The following ZNF865 variants were observed in gnomAD, a reference collection of about 807,000 sequenced individuals.
ZNF865 encodes zinc finger protein 865.
For missense variants in ZNF865, 1,311 were observed against 1,593.4 expected, an observed-to-expected ratio of 0.82 and a Z score of 3.02; for synonymous variants, 763 against 750.8, an observed-to-expected ratio of 1.02 and a Z score of -0.27.
At position 55,614,754 on chromosome 19, in the gene ZNF865, C is replaced by T; in HGVS notation, c.1136C>T (p.Ser379Phe). 2 of 1,582,838 alleles carry T rather than the reference C, an allele frequency of 1.3e-6. No individual in the cohort carries two copies. Among genetic ancestry groups the T allele is most frequent in the Non-Finnish European group, 1.7e-6 (2 of 1,172,648 alleles). Residue 379 changes from serine to phenylalanine, a missense_variant, in exon 2 of 2, where the codon TCC becomes TTC. By Grantham distance (155) the Ser-to-Phe change is radical (BLOSUM62 -2). Transcript: ENST00000568956. This position sits in a 1 kb window ranked among gnomAD's most constrained non-coding sequence, Gnocchi z 8.0. ...QIIHTGEKPF[S>F]CSVCSKSFNR... The stretch of plus-strand genomic sequence containing the variant: ...ATCCACACGGGCGAGAAGCCCTTCT[C>T]CTGCTCCGTGTGCAGCAAAAGCTTC...
At chr19:55,606,198 ACAG>A (rs1231090279) in intron 1 of ZNF865, among the ~76,000 whole-genome samples, 1 of 151,806 alleles carries the variant, frequency 6.6e-6, no homozygotes, top group Non-Finnish European at 1.5e-5. Flanking sequence ...CTCTGTCCAT[ACAG>A]CAACAGCCCC....
chr19:55,613,157 G>A (rs1485105274), intron 1 of ZNF865: 1 of 159,820 alleles, frequency 6.3e-6, no homozygotes, highest in Non-Finnish European at 1.4e-5. Context: ...CCAGCACTTT[G>A]GGAGGTGGAG....
At position 55,616,652 on chromosome 19, in the gene ZNF865, C is replaced by T; in HGVS notation, c.3034C>T (p.Gln1012Ter). The change falls in exon 2 of 2, where the codon CAG becomes TAG. Residue 1012 changes from glutamine to a stop codon, truncating the protein, a stop_gained. Coordinates refer to ENST00000568956, the MANE Select transcript of ZNF865 (RefSeq NM_001195605.2). LOFTEE classifies it low-confidence loss of function (END_TRUNC). ...CTTCCGTAAGCACCTGGCTGCCCAC[C>T]AGGGCGGCCGGCCCTTCCGCTGCTC... is the stretch of plus-strand genomic sequence containing the variant. ...GYFRKHLAAH[Q>*]GGRPFRCSSC... 1 of 1,529,098 alleles carries T rather than the reference C, an allele frequency of 6.5e-7. No individual in the cohort carries two copies. The highest frequency in any genetic ancestry group is 2.5e-5 in the East Asian group (1 of 40,640). The allele number at this position is 1,529,098 out of a possible 1,614,324, so 94.7% of individuals were successfully genotyped here. A position where few individuals can be genotyped will look rare whatever the true frequency, so the allele number is the denominator to read the frequency against.
At chr19:55,606,687 G>C (rs1382493414) in intron 1 of ZNF865, among the ~76,000 whole-genome samples, 1 of 152,252 alleles carries the variant, frequency 6.6e-6, no homozygotes, top group Non-Finnish European at 1.5e-5. Flanking sequence ...CTTCACTAGG[G>C]TGTGACTTCT....
rs1171878938 is a variant in ZNF865, at chr19:55,614,238, A to G, written c.620A>G (p.Lys207Arg). 3.3e-6 allele frequency: 5 copies of G among 1,511,688 alleles called. No homozygotes were observed. The highest frequency in any genetic ancestry group is 1.4e-5 in the African/African-American group (1 of 69,950). The allele number at this position is 1,511,688 out of a possible 1,614,324, so 93.6% of individuals were successfully genotyped here. Residue 207 changes from lysine (K) to arginine (R), a missense_variant, in exon 2 of 2, where the codon AAG (lysine) becomes AGG (arginine). Physicochemically the swap from Lys to Arg is conservative, Grantham distance 26. Transcript: ENST00000568956. The surrounding 1 kb of genome is among the most constrained non-coding windows in gnomAD (Gnocchi z 8.0). ...PPAAAACDPT[K>R]DDKGYFRRLK... ...GCGGCGGCGGCCTGCGACCCCACCAAGGACGACAAGGGCTACTTCCGGAGA... is the reference window on the plus strand; with the variant it reads ...GCGGCGGCGGCCTGCGACCCCACCAGGGACGACAAGGGCTACTTCCGGAGA...
In ZNF865 at chr19:55,611,639, C is replaced by T. The variant is rs1037209252; in HGVS notation, c.-26-1954C>T. 2.6e-5 allele frequency among the ~76,000 whole-genome samples: 4 copies of T among 152,132 alleles called. No individual in the cohort carries two copies. The highest frequency in any genetic ancestry group is 7.2e-5 in the African/African-American group (3 of 41,416). ...GGGGTGGGGGTGGAAGAGACACTCA[C>T]CCCTCACCTGTGGGAGGAGAGAGCA... On this transcript the variant is annotated intron_variant, in intron 1 of 1. Transcript: ENST00000568956. The surrounding 1 kb of genome is among the most constrained non-coding windows in gnomAD (Gnocchi z 4.5).
At chr19:55,609,689 C>T (rs966087075) in intron 1 of ZNF865, among the ~76,000 whole-genome samples, 15 of 152,172 alleles carry the variant, frequency 9.9e-5, no homozygotes, top group Non-Finnish European at 1.6e-4. Flanking sequence ...AGTCATGGTA[C>T]AGGACTGTGC....
rs1009037830 is a variant in ZNF865, at chr19:55,615,800, C to T, written c.2182C>T (p.Pro728Ser). Residue 728 changes from proline to serine, a missense_variant, in exon 2 of 2, where the codon CCG becomes TCG. Physicochemically the swap from Pro to Ser is moderately conservative, Grantham distance 74. Coordinates refer to ENST00000568956, the MANE Select transcript of ZNF865 (RefSeq NM_001195605.2). ...VHQAAPERLL[P>S]PAPGGLQPPD... is the part of the protein sequence containing the mutation. ...CCAGGCCGCCCCCGAGCGCCTGCTC[C>T]CGCCCGCACCCGGCGGCCTGCAGCC... 3 of 1,512,208 alleles carry T rather than the reference C, an allele frequency of 2.0e-6. No homozygotes were observed. The highest frequency in any genetic ancestry group is 1.8e-6 in the Non-Finnish European group (2 of 1,136,278). 93.7% of individuals were successfully genotyped at this position (1,512,208 alleles called of 1,614,324 possible).
chr19:55,613,716 T>C lies in ZNF865; in HGVS notation c.98T>C (p.Phe33Ser). Residue 33 changes from phenylalanine to serine, a missense_variant, in exon 2 of 2, where the codon TTC becomes TCC. By Grantham distance (155) the Phe-to-Ser change is radical. Transcript: ENST00000568956. ...CACTTCCAGAGCTACCCCTTCGACT[T>C]CCTGGAATTCCTCAACCACCAGCGC... Reference protein sequence around the residue: ...GVHFQSYPFDFLEFLNHQRFE... With the variant: ...GVHFQSYPFDSLEFLNHQRFE... 1 of 1,534,478 alleles carries C rather than the reference T, an allele frequency of 6.5e-7. No individual in the cohort carries two copies. The highest frequency in any genetic ancestry group is 1.4e-5 in the African/African-American group (1 of 72,978).
chr19:55,616,747 C>T lies in ZNF865; in HGVS notation c.3129C>T (p.Asn1043=). 6.8e-7 allele frequency: 1 copy of T among 1,478,250 alleles called. No homozygotes were observed. Among genetic ancestry groups the T allele is most frequent in the Non-Finnish European group, 8.9e-7 (1 of 1,118,782 alleles). 91.6% of individuals were successfully genotyped at this position (1,478,250 alleles called of 1,614,324 possible). ...KKHRLAHKAE[N]LGGPGAGAGT... ...ACCGCCTGGCGCACAAGGCCGAGAA[C>T]CTCGGGGGGCCTGGAGCAGGGGCGG... Residue 1043 remains asparagine, a synonymous_variant, in exon 2 of 2, where the codon AAC becomes AAT. Coordinates refer to ENST00000568956, the MANE Select transcript of ZNF865 (RefSeq NM_001195605.2).
rs765794743 is a variant in ZNF865 at position 55,614,130 on chromosome 19, C to T, written c.512C>T (p.Pro171Leu). The T allele has an allele frequency of 4.9e-6, 7 of 1,433,924 alleles. No individual in the cohort carries two copies. The highest frequency in any genetic ancestry group is 3.0e-5 in the Admixed American group (1 of 33,282). 88.8% of individuals were successfully genotyped at this position (1,433,924 alleles called of 1,614,324 possible). A position where few individuals can be genotyped will look rare whatever the true frequency, so the allele number is the denominator to read the frequency against. ...AAGCGAGGAGGGCCCGCGTCCGGGC[C>T]GGGGGTGACGCCTGGGCTGGGCGCT... ...NLKRGGPASG[P>L]GVTPGLGAPA... The change falls in exon 2 of 2, where the codon CCG (proline) becomes CTG (leucine). Residue 171 changes from proline (P) to leucine (L), a missense_variant. By Grantham distance (98) the Pro-to-Leu change is moderately conservative. Coordinates refer to ENST00000568956, the MANE Select transcript of ZNF865 (RefSeq NM_001195605.2). This position sits in a 1 kb window ranked among gnomAD's most constrained non-coding sequence, Gnocchi z 8.0.
In ZNF865 at chr19:55,615,014, CCCGCTG is replaced by C; in HGVS notation, c.1404_1409del (p.Ala469_Ala470del). 1 of 1,352,052 alleles carries C rather than the reference CCCGCTG, an allele frequency of 7.4e-7. No individual in the cohort carries two copies. The highest frequency in any genetic ancestry group is 9.5e-7 in the Non-Finnish European group (1 of 1,057,444). 83.8% of individuals were successfully genotyped at this position (1,352,052 alleles called of 1,614,324 possible). A position where few individuals can be genotyped will look rare whatever the true frequency, so the allele number is the denominator to read the frequency against. On this transcript the variant is annotated inframe_deletion, in exon 2 of 2. Coordinates refer to ENST00000568956, the MANE Select transcript of ZNF865 (RefSeq NM_001195605.2). ...CCGCCACAAGGCCGCCCACGCCCCG[CCCGCTG>C]CCGCTGCGGAGGCGCCCAAGGACGG...
At position 55,616,045 on chromosome 19, in the gene ZNF865, TCA is replaced by T. The variant is rs1466354305; in HGVS notation, c.2430_2431del (p.His810GlnfsTer153). On this transcript the variant is annotated frameshift_variant, in exon 2 of 2. Transcript: ENST00000568956. LOFTEE classifies it low-confidence loss of function (END_TRUNC). Reference protein sequence around the residue: ...SFKHFLGLVTHKYVHLVRRTL... With the variant: ...SFKHFLGLVTXKYVHLVRRTL... ...TCAAGCACTTCCTGGGCCTCGTGAC[TCA>T]CAAGTACGTGCACCTGGTGCGACGG... 1 of 1,524,036 alleles carries T rather than the reference TCA, an allele frequency of 6.6e-7. No individual in the cohort carries two copies. The allele number at this position is 1,524,036 out of a possible 1,614,324, so 94.4% of individuals were successfully genotyped here.
Position 55,616,563 on chromosome 19 carries a change from A to T in ZNF865, c.2945A>T (p.His982Leu). 6.5e-7 allele frequency: 1 copy of T among 1,532,570 alleles called. No homozygotes were observed. Among genetic ancestry groups the T allele is most frequent in the African/African-American group, 1.4e-5 (1 of 73,010 alleles). 94.9% of individuals were successfully genotyped at this position (1,532,570 alleles called of 1,614,324 possible). A position where few individuals can be genotyped will look rare whatever the true frequency, so the allele number is the denominator to read the frequency against. ...LSSVLRHQRA[H>L]EPPRPELRCP... ...TCCGTGCTGCGCCACCAGCGCGCCC[A>T]TGAGCCGCCGCGGCCCGAGCTCCGC... Residue 982 changes from histidine to leucine, a missense_variant, in exon 2 of 2, where the codon CAT becomes CTT. Transcript: ENST00000568956.
rs911486327 is a variant in ZNF865 at position 55,612,166 on chromosome 19, T to C, written c.-26-1427T>C. On this transcript the variant is annotated intron_variant, in intron 1 of 1. Coordinates refer to ENST00000568956, the MANE Select transcript of ZNF865 (RefSeq NM_001195605.2). ...TTCTGCTGATGCATGTGTTTCATTA[T>C]GTTCTGTTCCAACCCTGTTGAATCT... is the stretch of plus-strand genomic sequence containing the variant. Among the ~76,000 whole-genome samples, 5 of 152,218 alleles carry C rather than the reference T, an allele frequency of 3.3e-5. No homozygotes were observed. In the East Asian group the frequency reaches 9.6e-4, roughly 29 times the overall value.
Position 55,615,225 on chromosome 19 carries a change from G to T in ZNF865, c.1607G>T (p.Ser536Ile). Residue 536 changes from serine to isoleucine, a missense_variant, in exon 2 of 2, where the codon AGC (serine) becomes ATC (isoleucine). By Grantham distance (142) the Ser-to-Ile change is moderately radical. Transcript: ENST00000568956. ...CTGCTGCTCGGCGGCGCGGGGACCA[G>T]CGGGGCGGGAGGCTCGGGCGCCAGC... Reference protein sequence around the residue: ...HPLLLGGAGTSGAGGSGASVP... With the variant: ...HPLLLGGAGTIGAGGSGASVP... 6.7e-7 allele frequency: 1 copy of T among 1,492,858 alleles called. No homozygotes were observed. Among genetic ancestry groups the T allele is most frequent in the Non-Finnish European group, 8.9e-7 (1 of 1,129,930 alleles). The allele number at this position is 1,492,858 out of a possible 1,614,324, so 92.5% of individuals were successfully genotyped here. A position where few individuals can be genotyped will look rare whatever the true frequency, so the allele number is the denominator to read the frequency against.
chr19:55,606,988 G>C (rs1419553682), intron 1 of ZNF865, among the ~76,000 whole-genome samples: 1 of 152,188 alleles, frequency 6.6e-6, no homozygotes, highest in Non-Finnish European at 1.5e-5. Flanking sequence ...TGAAGTGGCG[G>C]TGAGCACGGT....
rs1180225319 is a variant in ZNF865, at chr19:55,617,098, G to A, written c.*300G>A. The A allele has an allele frequency of 1.8e-5, 5 of 284,804 alleles. No homozygotes were observed. Among genetic ancestry groups the A allele is most frequent in the Non-Finnish European group, 3.3e-5 (5 of 153,550 alleles). 17.6% of individuals were successfully genotyped at this position (284,804 alleles called of 1,614,324 possible). ...GCCCCCAGTAAGTTTTGGCGGAGAT[G>A]GGTCTGAACCGCCCCTCCCCCTCCT... On this transcript the variant is annotated 3_prime_UTR_variant, in exon 2 of 2. Coordinates refer to ENST00000568956, the MANE Select transcript of ZNF865 (RefSeq NM_001195605.2).
intron 1 of ZNF865, among the ~76,000 whole-genome samples, chr19:55,606,996 G>A (rs1215827161): frequency 6.6e-6 from 1 of 152,180 alleles, no homozygotes; most frequent in African/African-American, 2.4e-5. Flanking sequence ...CGGTGAGCAC[G>A]GTGAGTGGAG....
Sources: allele counts gnomAD v4.1 joint callset (sites outside exome capture counted in the v4.1 genomes callset), GRCh38; gene constraint gnomAD v4.1.1; non-coding constraint Gnocchi (gnomAD v3.1); transcripts MANE v1.5; gene names NCBI Gene and HGNC (gene_info 2026-07-23, HGNC 2026-07-21).